GNAO1: variants seen among roughly 807,000 people sequenced by gnomAD.
GNAO1 encodes the protein guanine nucleotide-binding protein G(o) subunit alpha.
For missense variants in GNAO1, 166 were observed against 478.7 expected (o/e 0.35, Z 6.10); for synonymous variants, 164 against 180.7 (o/e 0.91, Z 0.74).
At chr16:56,219,760 G>T (rs1293569423) in intron 2 of GNAO1, among the ~76,000 whole-genome samples, 2 of 151,956 alleles carry the variant, frequency 1.3e-5, no homozygotes, top group Non-Finnish European at 2.9e-5. Flanking sequence ...CCCCATTCTC[G>T]GGAAGAAGCC....
intron 6 of GNAO1, chr16:56,344,661 T>C (rs905501447): frequency 5.1e-6 from 5 of 985,154 alleles, no homozygotes; most frequent in Non-Finnish European, 4.8e-6. Flanking sequence ...GAGGGAGAGA[T>C]GGGAGGTGCG....
intron 4 of GNAO1, 48 bp from the exon 5 acceptor site, chr16:56,334,681 A>G (rs751272030): frequency 6.2e-7 from 1 of 1,607,608 alleles, no homozygotes; most frequent in Non-Finnish European, 8.5e-7. Context: ...AGTCCCGAAC[A>G]GTGTCCAGGC....
At position 56,192,167 on chromosome 16, in the gene GNAO1, T is replaced by TG. The variant is rs1400551038; in HGVS notation, c.-63dup. Reference sequence around the variant, plus strand: ...GCCCAGGCTCTGCTCTCTGGGGGGGTGGGGGGCGCTCCAAGCCGGGGAGCC... The same window carrying TG: ...GCCCAGGCTCTGCTCTCTGGGGGGGTGGGGGGGCGCTCCAAGCCGGGGAGCC... On this transcript the variant is annotated 5_prime_UTR_variant, in exon 1 of 9. Coordinates refer to ENST00000262493, the MANE Select transcript of GNAO1 (RefSeq NM_020988.3). The TG allele has an allele frequency of 6.0e-6, 5 of 833,948 alleles. No homozygotes were observed. Among genetic ancestry groups the TG allele is most frequent in the South Asian group, 5.9e-5 (4 of 68,188 alleles). The allele number at this position is 833,948 out of a possible 1,614,324, so 51.7% of individuals were successfully genotyped here. A position where few individuals can be genotyped will look rare whatever the true frequency, so the allele number is the denominator to read the frequency against.
At chr16:56,200,355 T>C (rs1294733327) in intron 2 of GNAO1, among the ~76,000 whole-genome samples, 1 of 152,222 alleles carries the variant, frequency 6.6e-6, no homozygotes, top group Non-Finnish European at 1.5e-5. Flanking sequence ...ATACGAGGTA[T>C]ATAAGGAATG....
intron 2 of GNAO1, among the ~76,000 whole-genome samples, chr16:56,206,741 G>T (rs1251393033): frequency 1.3e-5 from 2 of 152,126 alleles, no homozygotes; most frequent in African/African-American, 2.4e-5. Flanking sequence ...AAAAAGAATT[G>T]CAGTAAGGCT....
intron 2 of GNAO1, among the ~76,000 whole-genome samples, chr16:56,267,751 C>A (rs1220317920): frequency 5.3e-5 from 8 of 152,182 alleles, no homozygotes; most frequent in African/African-American, 1.9e-4. Flanking sequence ...AGAATGCAAG[C>A]TCCACAAGGG....
chr16:56,325,646 G>A lies in GNAO1; in HGVS notation c.304-2985G>A, dbSNP rs563871710. On this transcript the variant is annotated intron_variant, in intron 3 of 8. Transcript: ENST00000262493. ...TGCGGTCTGAAACCAGGGGGAAGGC[G>A]GCTGGAGGAAGGACCCCAGCTCCCT... Among the ~76,000 whole-genome samples, 17 of 152,176 alleles carry A rather than the reference G, an allele frequency of 1.1e-4. No individual in the cohort carries two copies. The South Asian group carries it at 2.9e-3, about 26-fold the overall frequency.
At chr16:56,268,741 A>G (rs1489630496) in intron 2 of GNAO1, among the ~76,000 whole-genome samples, 1 of 151,740 alleles carries the variant, frequency 6.6e-6, no homozygotes, top group Non-Finnish European at 1.5e-5. Flanking sequence ...ACCACACCCT[A>G]CCTCCTGCCC....
At chr16:56,222,879 C>G (rs1041215589) in intron 2 of GNAO1, among the ~76,000 whole-genome samples, 2 of 152,070 alleles carry the variant, frequency 1.3e-5, no homozygotes, top group Admixed American at 1.3e-4. Flanking sequence ...AGTGCCATGT[C>G]CCAGGCATGG....
intron 4 of GNAO1, among the ~76,000 whole-genome samples, chr16:56,333,487 G>A (rs2037710741): frequency 6.6e-6 from 1 of 152,184 alleles, no homozygotes; most frequent in African/African-American, 2.4e-5. Context: ...TGGGATTACA[G>A]GCGTGAGCCA....
chr16:56,227,793 T>C (rs1170060994), intron 2 of GNAO1, among the ~76,000 whole-genome samples: 2 of 151,776 alleles, frequency 1.3e-5, no homozygotes, highest in African/African-American at 4.8e-5. Flanking sequence ...TTTTCCCTGG[T>C]ATTATTGTTG....
At chr16:56,257,373 G>A (rs567665218) in intron 2 of GNAO1, among the ~76,000 whole-genome samples, 50 of 152,294 alleles carry the variant, frequency 3.3e-4, no homozygotes, top group African/African-American at 1.2e-3. Flanking sequence ...TCTTTGCATC[G>A]GCTAGCTCAG....
chr16:56,197,671 C>T (rs2036245964), intron 2 of GNAO1, among the ~76,000 whole-genome samples: 2 of 152,192 alleles, frequency 1.3e-5, no homozygotes, highest in South Asian at 4.1e-4. Context: ...AACGTCTGTT[C>T]TATGTGTGAA....
intron 2 of GNAO1, among the ~76,000 whole-genome samples, chr16:56,269,264 C>T (rs1005054454): frequency 2.6e-5 from 4 of 152,172 alleles, no homozygotes; most frequent in African/African-American, 9.7e-5. Context: ...CTTTTCTCCA[C>T]TGTGGCTTGT....
At chr16:56,273,765 G>T (rs574069604) in intron 2 of GNAO1, among the ~76,000 whole-genome samples, 4 of 152,164 alleles carry the variant, frequency 2.6e-5, no homozygotes, top group African/African-American at 7.2e-5. Context: ...GCTCAGCCCC[G>T]TTGCTATGGC....
intron 2 of GNAO1, chr16:56,192,860 A>G: frequency 7.4e-6 from 4 of 543,774 alleles, no homozygotes; most frequent in Non-Finnish European, 1.3e-5. Flanking sequence ...CTGTAGTTGT[A>G]TGAATGACAG....
chr16:56,339,449 G>A (rs1041130673), intron 6 of GNAO1, among the ~76,000 whole-genome samples: 2 of 152,270 alleles, frequency 1.3e-5, no homozygotes, highest in Admixed American at 6.5e-5. Context: ...GGATGTGGGA[G>A]CTCTGTCTGC....
At chr16:56,195,666 A>G (rs959935) in intron 2 of GNAO1, among the ~76,000 whole-genome samples, 96,284 of 152,182 alleles carry the variant, frequency 0.63, 30,888 homozygotes, top group African/African-American at 0.72. Flanking sequence ...ATTCAGCAGA[A>G]AGCCCTCTTT....
intron 2 of GNAO1, chr16:56,193,849 G>C: frequency 2.9e-6 from 1 of 350,230 alleles, no homozygotes; most frequent in South Asian, 2.2e-5. Flanking sequence ...TCGCTTTGCT[G>C]TGACACCTTC....
Sources: gnomAD v4.1 joint callset for allele counts (sites outside exome capture counted in the v4.1 genomes callset) on GRCh38, gnomAD v4.1.1 for gene constraint, MANE v1.5 for transcripts, NCBI Gene and HGNC (gene_info 2026-07-23, HGNC 2026-07-21) for gene names.